Variants in PARD3B observed in about 807,000 individuals in gnomAD.
The protein encoded by PARD3B is par-3 family cell polarity regulator beta, also known as partitioning defective 3 homolog B.
In PARD3B, 103 loss-of-function variants were observed where a neutral mutation model predicts 130.2. That is an observed-to-expected ratio of 0.79 (90% confidence interval 0.67 to 0.93). The LOEUF (loss-of-function observed/expected upper bound fraction) is 0.93. Among genes scored for constraint, PARD3B ranks in the 40% least tolerant of loss-of-function variants. The probability of loss-of-function intolerance (pLI) is 0.00; values close to 1 mark genes in which losing one functional copy is unlikely to be tolerated. For synonymous variants in PARD3B, 583 were observed against 553.2 expected (o/e 1.05, Z -0.76); for missense variants, 1,609 against 1,499.2 (o/e 1.07, Z -1.21).
At chr2:204,577,930 C>T (rs752053454) in intron 1 of PARD3B, among the ~76,000 whole-genome samples, 1 of 152,078 alleles carries the variant, frequency 6.6e-6, no homozygotes, top group Non-Finnish European at 1.5e-5. Flanking sequence ...CAGTGGCCCT[C>T]GTTGGGGGTG....
At chr2:204,956,766 T>A (rs144157405) in intron 2 of PARD3B, among the ~76,000 whole-genome samples, 12 of 152,368 alleles carry the variant, frequency 7.9e-5, no homozygotes, top group African/African-American at 2.9e-4. Context: ...TCTGGTTTTT[T>A]AAATTATGCG....
intron 1 of PARD3B, among the ~76,000 whole-genome samples, chr2:204,566,649 C>T (rs73057264): frequency 0.023 from 3,426 of 152,114 alleles, 120 homozygotes; most frequent in African/African-American, 0.077. Flanking sequence ...TATTCTGTTG[C>T]GTAAGACATA....
intron 15 of PARD3B, among the ~76,000 whole-genome samples, chr2:205,222,277 A>G (rs1324004816): frequency 6.6e-6 from 1 of 152,124 alleles, no homozygotes; most frequent in South Asian, 2.1e-4. Flanking sequence ...GTAGTTCTTT[A>G]TGGCAAAGTC....
At chr2:205,504,547 G>GA (rs1198371699) in intron 21 of PARD3B, among the ~76,000 whole-genome samples, 1 of 151,992 alleles carries the variant, frequency 6.6e-6, no homozygotes, top group African/African-American at 2.4e-5. Context: ...ACATTTACAA[G>GA]AAAAAAACAA....
chr2:205,488,978 A>C (rs1363808406), intron 20 of PARD3B, among the ~76,000 whole-genome samples: 1 of 152,176 alleles, frequency 6.6e-6, no homozygotes, highest in African/African-American at 2.4e-5. Flanking sequence ...ATCATTTTTT[A>C]ACAGAAGACA....
intron 18 of PARD3B, among the ~76,000 whole-genome samples, chr2:205,329,657 T>C (rs902795844): frequency 7.9e-5 from 12 of 152,150 alleles, no homozygotes; most frequent in South Asian, 6.2e-4. Flanking sequence ...GCCCTCCTCA[T>C]TGGAGTTTGC....
chr2:204,655,398 C>T (rs1013747171), intron 1 of PARD3B, among the ~76,000 whole-genome samples: 1 of 152,052 alleles, frequency 6.6e-6, no homozygotes, highest in African/African-American at 2.4e-5. Context: ...CTCTGCTTGT[C>T]TGTTCTATAT....
At chr2:205,522,638 G>C (rs953875088) in intron 21 of PARD3B, among the ~76,000 whole-genome samples, 1 of 152,088 alleles carries the variant, frequency 6.6e-6, no homozygotes, top group African/African-American at 2.4e-5. Flanking sequence ...GAGCACAACA[G>C]ACAAAAATAT....
chr2:205,468,355 G>A (rs1432664104), intron 20 of PARD3B, among the ~76,000 whole-genome samples: 1 of 152,212 alleles, frequency 6.6e-6, no homozygotes, highest in African/African-American at 2.4e-5. Context: ...GTGCCTTACA[G>A]CAGAGCCTTC....
intron 2 of PARD3B, among the ~76,000 whole-genome samples, chr2:204,934,045 T>G (rs1688225414): frequency 6.6e-6 from 1 of 152,208 alleles, no homozygotes; most frequent in African/African-American, 2.4e-5. Context: ...AAGGGAGGCT[T>G]AAGTGTAACC....
intron 20 of PARD3B, among the ~76,000 whole-genome samples, chr2:205,493,274 T>C (rs1559144692): frequency 6.6e-6 from 1 of 152,098 alleles, no homozygotes; most frequent in Non-Finnish European, 1.5e-5. Flanking sequence ...AGTTTAAAAA[T>C]AAAGCTGGGA....
At chr2:205,437,157 G>A (rs1332762518) in intron 19 of PARD3B, among the ~76,000 whole-genome samples, 2 of 152,142 alleles carry the variant, frequency 1.3e-5, no homozygotes, top group African/African-American at 4.8e-5. Flanking sequence ...CTTTAGGGCT[G>A]AGTCCAAGTT....
Position 205,352,605 on chromosome 2 carries a change from C to G in PARD3B, c.2631-48408C>G, listed in dbSNP as rs1033246971. Among the ~76,000 whole-genome samples, 1 of 152,096 alleles carries G rather than the reference C, an allele frequency of 6.6e-6. No individual in the cohort carries two copies. The highest frequency in any genetic ancestry group is 2.4e-5 in the African/African-American group (1 of 41,400). On this transcript the variant is annotated intron_variant, in intron 18 of 22. Coordinates refer to ENST00000406610, the MANE Select transcript of PARD3B (RefSeq NM_001302769.2). The surrounding 1 kb of genome is among the most constrained non-coding windows in gnomAD (Gnocchi z 5.2). Reference sequence around the variant, plus strand: ...CGAGAAATAGAAGGCACGAAATAACCATTTTGGAGCAGATACACAGGCATC... The same window carrying G: ...CGAGAAATAGAAGGCACGAAATAACGATTTTGGAGCAGATACACAGGCATC...
At chr2:205,127,256 G>A (rs1048203063) in intron 10 of PARD3B, among the ~76,000 whole-genome samples, 5 of 140,380 alleles carry the variant, frequency 3.6e-5, no homozygotes, top group East Asian at 4.2e-4. Context: ...AAGATTGCAC[G>A]AGTGCGCTCC....
intron 15 of PARD3B, among the ~76,000 whole-genome samples, chr2:205,226,517 T>C (rs1275046785): frequency 6.6e-6 from 1 of 152,194 alleles, no homozygotes; most frequent in African/African-American, 2.4e-5. Context: ...TTAATCCATG[T>C]AGATTTGATT....
In PARD3B at chr2:205,590,396, T is replaced by C. The variant is rs2054343560; in HGVS notation, c.3261-25060T>C. Among the ~76,000 whole-genome samples the C allele has an allele frequency of 6.6e-6, 1 of 152,164 alleles. No individual in the cohort carries two copies. The highest frequency in any genetic ancestry group is 1.5e-5 in the Non-Finnish European group (1 of 68,030). ...AGGCTTACTTCCCCCTCTTCTCAGC[T>C]ACTCCACAAAAGAGGGATCCTCTCA... On this transcript the variant is annotated intron_variant, in intron 22 of 22. Transcript: ENST00000406610. This position sits in a 1 kb window ranked among gnomAD's most constrained non-coding sequence, Gnocchi z 4.1.
At chr2:205,484,274 A>G (rs1271950696) in intron 20 of PARD3B, among the ~76,000 whole-genome samples, 1 of 152,196 alleles carries the variant, frequency 6.6e-6, no homozygotes, top group Non-Finnish European at 1.5e-5. Context: ...CTAGGAACAC[A>G]ACAAATCCTC....
chr2:205,302,065 C>CTTTT (rs3048088), intron 18 of PARD3B, among the ~76,000 whole-genome samples: 1,327 of 77,722 alleles, frequency 0.017, 76 homozygotes, highest in South Asian at 0.032. Flanking sequence ...TTTTTCTTTT[C>CTTTT]TTTTTTTTTT....
At chr2:204,751,258 T>C (rs2040455337) in intron 2 of PARD3B, among the ~76,000 whole-genome samples, 1 of 152,192 alleles carries the variant, frequency 6.6e-6, no homozygotes, top group African/African-American at 2.4e-5. Context: ...AATGGAGCCA[T>C]ATCCAGGCTT....
Sources: gnomAD v4.1 joint callset for allele counts (sites outside exome capture counted in the v4.1 genomes callset) on GRCh38, gnomAD v4.1.1 for gene constraint, Gnocchi (gnomAD v3.1) non-coding constraint, MANE v1.5 for transcripts, NCBI Gene and HGNC (gene_info 2026-07-23, HGNC 2026-07-21) for gene names.